Variants in COMMD10 observed in about 807,000 individuals in gnomAD.
COMMD10 encodes COMM domain-containing protein 10.
Under a neutral mutation model 28.9 loss-of-function variants are expected in COMMD10, and 33 were observed. The observed-to-expected ratio is 1.14, with a 90% CI of 0.87 to 1.53. The LOEUF (loss-of-function observed/expected upper bound fraction) is 1.53. COMMD10 is among the 40% of genes most tolerant of loss of function. COMMD10 has a pLI of 0.00. For missense variants in COMMD10, 310 were observed against 233.4 expected (o/e 1.33, Z -2.14); for synonymous variants, 110 against 81.7 (o/e 1.35, Z -1.87).
intron 5 of COMMD10, among the ~76,000 whole-genome samples, chr5:116,150,367 A>C (rs1483427777): frequency 6.6e-6 from 1 of 152,122 alleles, no homozygotes; most frequent in Non-Finnish European, 1.5e-5. Context: ...TATGAACTTT[A>C]AAGTAGTTTT....
chr5:116,226,871 G>C (rs957491618), intron 5 of COMMD10, among the ~76,000 whole-genome samples: 1 of 151,934 alleles, frequency 6.6e-6, no homozygotes, highest in African/African-American at 2.4e-5. Flanking sequence ...AATTACTAAA[G>C]ACTTTACATA....
intron 5 of COMMD10, among the ~76,000 whole-genome samples, chr5:116,148,806 A>G (rs1261643930): frequency 6.6e-6 from 1 of 151,812 alleles, no homozygotes; most frequent in African/African-American, 2.4e-5. Context: ...AACACATTTT[A>G]AAATTACATA....
In COMMD10 at chr5:116,195,750, A is replaced by G. The variant is rs140318995; in HGVS notation, c.510+61572A>G. Reference sequence around the variant, plus strand: ...TACTCAAATCAGTAAGAAAAAAACAATCCCATCAAAAAGTGGGCTAAAGAC... The same window carrying G: ...TACTCAAATCAGTAAGAAAAAAACAGTCCCATCAAAAAGTGGGCTAAAGAC... On this transcript the variant is annotated intron_variant, in intron 5 of 6. Transcript: ENST00000274458. 3.5e-4 allele frequency among the ~76,000 whole-genome samples: 54 copies of G among 152,296 alleles called. No individual in the cohort carries two copies. The East Asian group carries it at 7.7e-3, about 22-fold the overall frequency.
intron 5 of COMMD10, among the ~76,000 whole-genome samples, chr5:116,177,572 C>G (rs776746735): frequency 1.3e-5 from 2 of 150,052 alleles, no homozygotes; most frequent in Non-Finnish European, 3.0e-5. Flanking sequence ...AGGATCAGAT[C>G]TCTGCCTACT....
At chr5:116,251,547 G>C (rs1317976108) in intron 5 of COMMD10, among the ~76,000 whole-genome samples, 2 of 144,238 alleles carry the variant, frequency 1.4e-5, no homozygotes, top group African/African-American at 2.6e-5. Context: ...GCGGTGTTTG[G>C]TTTTTTTGTT....
intron 5 of COMMD10, among the ~76,000 whole-genome samples, chr5:116,286,407 C>G (rs1751218977): frequency 6.8e-6 from 1 of 148,096 alleles, no homozygotes; most frequent in Non-Finnish European, 1.5e-5. Context: ...CTTACTTTGA[C>G]CTTAGGGTTT....
At chr5:116,219,433 A>T (rs191815726) in intron 5 of COMMD10, among the ~76,000 whole-genome samples, 50 of 152,278 alleles carry the variant, frequency 3.3e-4, no homozygotes, top group East Asian at 3.1e-3. Context: ...ATCCCGGGTT[A>T]TCTAGGTAGG....
At chr5:116,235,932 T>A (rs1288932644) in intron 5 of COMMD10, among the ~76,000 whole-genome samples, 1 of 152,202 alleles carries the variant, frequency 6.6e-6, no homozygotes, top group African/African-American at 2.4e-5. Flanking sequence ...AAATTACTTG[T>A]CTGATTTTCT....
intron 5 of COMMD10, among the ~76,000 whole-genome samples, chr5:116,282,754 T>C (rs1479872507): frequency 2.6e-5 from 4 of 151,914 alleles, no homozygotes; most frequent in South Asian, 2.1e-4. Context: ...TTGTCTCTTA[T>C]TAGGGATACC....
At chr5:116,235,247 C>G (rs965471923) in intron 5 of COMMD10, among the ~76,000 whole-genome samples, 3 of 152,132 alleles carry the variant, frequency 2.0e-5, no homozygotes, top group African/African-American at 7.2e-5. Context: ...ATAATGAATA[C>G]TTAATTCTTT....
chr5:116,129,073 A>G (rs899022509), intron 4 of COMMD10, among the ~76,000 whole-genome samples: 1 of 151,824 alleles, frequency 6.6e-6, no homozygotes, highest in African/African-American at 2.4e-5. Context: ...ATACAATTCC[A>G]CGTGAGACTT....
chr5:116,176,816 G>T (rs1753528120), intron 5 of COMMD10, among the ~76,000 whole-genome samples: 1 of 152,090 alleles, frequency 6.6e-6, no homozygotes, highest in African/African-American at 2.4e-5. Flanking sequence ...TTAAACAGGG[G>T]AAGTTTAATA....
intron 5 of COMMD10, among the ~76,000 whole-genome samples, chr5:116,176,219 C>T (rs1034570905): frequency 1.3e-5 from 2 of 152,176 alleles, no homozygotes; most frequent in Non-Finnish European, 2.9e-5. Flanking sequence ...TCAAGCAATT[C>T]TCATGCCTCA....
chr5:116,233,415 A>G (rs909978947), intron 5 of COMMD10, among the ~76,000 whole-genome samples: 9 of 152,310 alleles, frequency 5.9e-5, no homozygotes, highest in Non-Finnish European at 7.4e-5. Flanking sequence ...GACTTGAAAT[A>G]TATCTCCCAC....
rs759219577 is a variant in COMMD10 at position 116,291,513 on chromosome 5, A to G, written c.511-4A>G. ...ATTCTTTTTGTTGTTTTTCTTCCTT[A>G]CAGAGCCTGGAGAAAGTTCTTGTGG... On this transcript the variant is annotated splice_polypyrimidine_tract_variant and splice_region_variant and intron_variant, in intron 5 of 6. Transcript: ENST00000274458. 3 of 1,595,990 alleles carry G rather than the reference A, an allele frequency of 1.9e-6. No homozygotes were observed. Among genetic ancestry groups the G allele is most frequent in the Non-Finnish European group, 2.6e-6 (3 of 1,167,950 alleles).
intron 4 of COMMD10, among the ~76,000 whole-genome samples, chr5:116,109,679 A>G (rs961517738): frequency 2.6e-5 from 4 of 152,198 alleles, no homozygotes; most frequent in Non-Finnish European, 4.4e-5. Context: ...TTTGTTCTCA[A>G]CTAGATTGTT....
chr5:116,133,196 C>T (rs1439894944), intron 4 of COMMD10, among the ~76,000 whole-genome samples: 1 of 152,108 alleles, frequency 6.6e-6, no homozygotes, highest in Non-Finnish European at 1.5e-5. Context: ...CACAAAACTT[C>T]CCTAAATATT....
At chr5:116,237,735 C>T (rs1459919831) in intron 5 of COMMD10, among the ~76,000 whole-genome samples, 1 of 152,064 alleles carries the variant, frequency 6.6e-6, no homozygotes, top group Non-Finnish European at 1.5e-5. Context: ...TTTTTATTAT[C>T]ATGGTTAAAT....
chr5:116,085,066 C>G lies in COMMD10; in HGVS notation c.14C>G (p.Ala5Gly), dbSNP rs1378569089. Residue 5 changes from alanine (A) to glycine (G), a missense_variant, in exon 1 of 7, where the codon GCG (alanine) becomes GGG (glycine). Ala to Gly is a moderately conservative substitution (Grantham distance 60, BLOSUM62 0). Transcript: ENST00000274458. MAVP[A>G]ALILRESPSM... ...AGAAAGCCGAAGATGGCGGTCCCCGCGGCGCTGATCCTACGGGAGAGCCCC... is the reference window on the plus strand; with the variant it reads ...AGAAAGCCGAAGATGGCGGTCCCCGGGGCGCTGATCCTACGGGAGAGCCCC... 6.2e-7 allele frequency: 1 copy of G among 1,609,634 alleles called. No individual in the cohort carries two copies. Among genetic ancestry groups the G allele is most frequent in the Non-Finnish European group, 8.5e-7 (1 of 1,178,930 alleles).
Sources: allele counts gnomAD v4.1 joint callset (sites outside exome capture counted in the v4.1 genomes callset), GRCh38; gene constraint gnomAD v4.1.1; transcripts MANE v1.5; gene names NCBI Gene and HGNC (gene_info 2026-07-23, HGNC 2026-07-21).